Variants in SNAPC2 observed in about 807,000 individuals in gnomAD.
The protein encoded by SNAPC2 is snRNA-activating protein complex subunit 2.
In SNAPC2, 27 loss-of-function variants were observed where a neutral mutation model predicts 22.9. The observed-to-expected ratio is 1.18, with a 90% CI of 0.87 to 1.63. The LOEUF (loss-of-function observed/expected upper bound fraction) is 1.63, where lower values mean the gene tolerates loss of function less well. Among genes scored for constraint, SNAPC2 ranks in the 40% most tolerant of loss-of-function variants. The pLI is 0.00. For synonymous variants in SNAPC2, 272 were observed against 201.0 expected (o/e 1.35, Z -2.99); for missense variants, 570 against 449.1 (o/e 1.27, Z -2.43).
rs1211790949 is a variant in SNAPC2 at position 7,921,765 on chromosome 19, T to G, written c.364T>G (p.Phe122Val). 2 of 1,612,826 alleles carry G rather than the reference T, an allele frequency of 1.2e-6. No individual in the cohort carries two copies. The highest frequency in any genetic ancestry group is 1.7e-6 in the Non-Finnish European group (2 of 1,179,354). Residue 122 changes from phenylalanine (F) to valine (V), a missense_variant, in exon 3 of 5, where the codon TTC (phenylalanine) becomes GTC (valine). Phe to Val is a conservative substitution (Grantham distance 50). Coordinates refer to ENST00000221573, the MANE Select transcript of SNAPC2 (RefSeq NM_003083.4). ...GPLEEALAVA[F>V]SQVLTIAATE... is the part of the protein sequence containing the mutation. ...ACTGGAAGAAGCCCTGGCAGTGGCTTTCTCGCAGGTACCGCCATTCCCCCA... is the reference window on the plus strand; with the variant it reads ...ACTGGAAGAAGCCCTGGCAGTGGCTGTCTCGCAGGTACCGCCATTCCCCCA...
Position 7,922,437 on chromosome 19 carries a change from A to G in SNAPC2, c.686-8A>G, listed in dbSNP as rs760049535. The G allele has an allele frequency of 7.0e-6, 11 of 1,582,654 alleles. No individual in the cohort carries two copies. The highest frequency in any genetic ancestry group is 2.2e-5 in the East Asian group (1 of 44,528). ...GTCCCCTTACCCCTCTCCTCCATCC[A>G]TCACTAGAGTCCGCTGTGGTCCTCG... On this transcript the variant is annotated splice_region_variant and splice_polypyrimidine_tract_variant and intron_variant, in intron 4 of 4. Transcript: ENST00000221573.
intron 4 of SNAPC2, 46 bp downstream of exon 4, chr19:7,922,393 C>A (rs1983612230): frequency 1.3e-6 from 2 of 1,592,940 alleles, no homozygotes; most frequent in African/African-American, 1.3e-5. Flanking sequence ...ATCAAGGGTC[C>A]CTGGCAGCAG....
At chr19:7,921,984 G>A (rs369209183) in intron 3 of SNAPC2, 51 bp from the exon 4 acceptor site, 69 of 1,554,880 alleles carry the variant, frequency 4.4e-5, no homozygotes, top group Admixed American at 1.8e-5. Flanking sequence ...ATGTGTAGAC[G>A]GTGAGAAGAC....
Position 7,922,192 on chromosome 19 carries a change from C to G in SNAPC2, c.530C>G (p.Ser177Cys). 6.2e-7 allele frequency: 1 copy of G among 1,614,182 alleles called. No individual in the cohort carries two copies. The highest frequency in any genetic ancestry group is 1.1e-5 in the South Asian group (1 of 91,090). Residue 177 changes from serine (S) to cysteine (C), a missense_variant, in exon 4 of 5, where the codon TCC (serine) becomes TGC (cysteine). Coordinates refer to ENST00000221573, the MANE Select transcript of SNAPC2 (RefSeq NM_003083.4). ...IPSSAPAAPSSAPRTPDPAPE... is the reference protein window; with the variant it reads ...IPSSAPAAPSCAPRTPDPAPE... Reference sequence around the variant, plus strand: ...AGCTCTGCCCCTGCTGCACCTAGCTCCGCACCCAGGACTCCTGACCCTGCC... The same window carrying G: ...AGCTCTGCCCCTGCTGCACCTAGCTGCGCACCCAGGACTCCTGACCCTGCC...
chr19:7,921,549 C>T lies in SNAPC2; in HGVS notation c.303+7C>T, dbSNP rs756665237. ...GCCCCCAGCCCCCATAGAGGTGAGG[C>T]AGATGAACAGGGTGAGGCTGTCCAG... On this transcript the variant is annotated splice_region_variant and intron_variant, in intron 2 of 4. Transcript: ENST00000221573. The T allele has an allele frequency of 6.2e-7, 1 of 1,610,586 alleles. No homozygotes were observed. The highest frequency in any genetic ancestry group is 1.1e-5 in the South Asian group (1 of 90,762).
intron 1 of SNAPC2, chr19:7,920,885 G>A: frequency 1.0e-6 from 1 of 986,270 alleles, no homozygotes; most frequent in Non-Finnish European, 1.3e-6. Context: ...GGGGCAGGAC[G>A]AGCCTGGGGG....
chr19:7,920,384 G>A lies in SNAPC2; in HGVS notation c.18G>A (p.Arg6=), dbSNP rs761246800. The part of the protein sequence containing the change: MKPPP[R]RRAAPARYLG... ...TGAGCGGCATGAAGCCACCTCCCAG[G>A]CGGCGAGCGGCCCCGGCGCGCTATC... The change falls in exon 1 of 5, where the codon AGG becomes AGA. Residue 6 remains arginine (R), a synonymous_variant. Transcript: ENST00000221573. The A allele has an allele frequency of 6.3e-7, 1 of 1,579,462 alleles. No homozygotes were observed. Among genetic ancestry groups the A allele is most frequent in the South Asian group, 1.1e-5 (1 of 89,422 alleles).
At chr19:7,921,801 G>T in intron 3 of SNAPC2, 28 bp downstream of exon 3, 4 of 1,606,128 alleles carry the variant, frequency 2.5e-6, no homozygotes, top group Non-Finnish European at 3.4e-6. Flanking sequence ...GGCAGGTCAG[G>T]GTGTCCCAGA....
chr19:7,921,015 G>C (rs892783769), intron 1 of SNAPC2: 5 of 1,142,126 alleles, frequency 4.4e-6, no homozygotes, highest in Admixed American at 9.2e-5. Context: ...TCGGGGTAAT[G>C]CGTGGGTGAG....
In SNAPC2 at chr19:7,922,676, C is replaced by A; in HGVS notation, c.917C>A (p.Ser306Ter). Residue 306 changes from serine to a stop codon, truncating the protein, a stop_gained, in exon 5 of 5, where the codon TCG becomes TAG. Transcript: ENST00000221573. LOFTEE classifies it high-confidence loss of function. ...TEKAEHSELK[S>*]PWQAAGICPL... ...AAGGCCGAGCACAGCGAACTGAAATCGCCTTGGCAAGCAGCTGGGATCTGT... is the reference window on the plus strand; with the variant it reads ...AAGGCCGAGCACAGCGAACTGAAATAGCCTTGGCAAGCAGCTGGGATCTGT... 1.2e-6 allele frequency: 2 copies of A among 1,613,608 alleles called. No individual in the cohort carries two copies. The highest frequency in any genetic ancestry group is 1.1e-5 in the South Asian group (1 of 91,074).
In SNAPC2 at chr19:7,922,795, C is replaced by T. The variant is rs201383153; in HGVS notation, c.*31C>T. 8.8e-5 allele frequency: 132 copies of T among 1,494,034 alleles called. No individual in the cohort carries two copies. Among genetic ancestry groups the T allele is most frequent in the Non-Finnish European group, 3.6e-6 (4 of 1,107,178 alleles). The allele number at this position is 1,494,034 out of a possible 1,614,324, so 92.5% of individuals were successfully genotyped here. A position where few individuals can be genotyped will look rare whatever the true frequency, so the allele number is the denominator to read the frequency against. On this transcript the variant is annotated 3_prime_UTR_variant, in exon 5 of 5. Transcript: ENST00000221573. ...ATGGCGGGCAGGAGGCCACACCAGGCCCCCCGCCCTGCCCCTCGGTTCTGC... is the reference window on the plus strand; with the variant it reads ...ATGGCGGGCAGGAGGCCACACCAGGTCCCCCGCCCTGCCCCTCGGTTCTGC...
In SNAPC2 at chr19:7,923,029, A is replaced by C. The variant is rs1599641864; in HGVS notation, c.*265A>C. Reference sequence around the variant, plus strand: ...CAGGCGGACAGGGCTGGCCTCCCCCAGTCCCCAAGCCCCACTGTGCCTTGT... The same window carrying C: ...CAGGCGGACAGGGCTGGCCTCCCCCCGTCCCCAAGCCCCACTGTGCCTTGT... On this transcript the variant is annotated 3_prime_UTR_variant, in exon 5 of 5. Transcript: ENST00000221573. 1 of 439,626 alleles carries C rather than the reference A, an allele frequency of 2.3e-6. No homozygotes were observed. The highest frequency in any genetic ancestry group is 3.8e-5 in the East Asian group (1 of 26,036). The allele number at this position is 439,626 out of a possible 1,614,324, so 27.2% of individuals were successfully genotyped here. A position where few individuals can be genotyped will look rare whatever the true frequency, so the allele number is the denominator to read the frequency against.
rs774231469 is a variant in SNAPC2, at chr19:7,920,499, C to A, written c.133C>A (p.Pro45Thr). The change falls in exon 1 of 5, where the codon CCG (proline) becomes ACG (threonine). Residue 45 changes from proline to threonine, a missense_variant. By Grantham distance (38) the Pro-to-Thr change is conservative. Coordinates refer to ENST00000221573, the MANE Select transcript of SNAPC2 (RefSeq NM_003083.4). ...LLQARQGQPE[P>T]DATELARELR... ...GCAGGCGCGGCAGGGCCAGCCGGAG[C>A]CGGACGCCACCGAGCTGGCCCGGGA... 4 of 1,497,190 alleles carry A rather than the reference C, an allele frequency of 2.7e-6. No homozygotes were observed. The East Asian group carries it at 1.1e-4, about 41-fold the overall frequency. The allele number at this position is 1,497,190 out of a possible 1,614,324, so 92.7% of individuals were successfully genotyped here. A position where few individuals can be genotyped will look rare whatever the true frequency, so the allele number is the denominator to read the frequency against.
In SNAPC2 at chr19:7,922,130, C is replaced by T. The variant is rs1983598706; in HGVS notation, c.468C>T (p.Ala156=). The T allele has an allele frequency of 6.2e-7, 1 of 1,614,042 alleles. No homozygotes were observed. The highest frequency in any genetic ancestry group is 8.5e-7 in the Non-Finnish European group (1 of 1,179,982). ...QARGKPLLLS[A]PGGQEDPAPE... ...GTGGAAAGCCTTTGCTCCTGAGCGC[C>T]CCTGGAGGACAGGAAGACCCCGCCC... The change falls in exon 4 of 5, where the codon GCC becomes GCT. Residue 156 remains alanine (A), a synonymous_variant. Coordinates refer to ENST00000221573, the MANE Select transcript of SNAPC2 (RefSeq NM_003083.4).
chr19:7,922,993 G>T lies in SNAPC2; in HGVS notation c.*229G>T, dbSNP rs1238388157. 1.0e-5 allele frequency: 5 copies of T among 500,154 alleles called. No homozygotes were observed. The highest frequency in any genetic ancestry group is 1.8e-5 in the Non-Finnish European group (5 of 283,820). The allele number at this position is 500,154 out of a possible 1,614,324, so 31.0% of individuals were successfully genotyped here. ...GCAGGACTCCACTCACAAGCCTCCTGATGTCAAGGACAGGCGGACAGGGCT... is the reference window on the plus strand; with the variant it reads ...GCAGGACTCCACTCACAAGCCTCCTTATGTCAAGGACAGGCGGACAGGGCT... On this transcript the variant is annotated 3_prime_UTR_variant, in exon 5 of 5. Coordinates refer to ENST00000221573, the MANE Select transcript of SNAPC2 (RefSeq NM_003083.4).
rs2145163928 is a variant in SNAPC2 at position 7,922,858 on chromosome 19, G to C, written c.*94G>C. The stretch of plus-strand genomic sequence containing the variant: ...GGCTCTTTCTGAGGATCCCGTCATG[G>C]GGGAAGGTCCTTGAGATGATGCTCA... On this transcript the variant is annotated 3_prime_UTR_variant, in exon 5 of 5. Transcript: ENST00000221573. The C allele has an allele frequency of 9.9e-7, 1 of 1,007,490 alleles. No individual in the cohort carries two copies. Among genetic ancestry groups the C allele is most frequent in the African/African-American group, 1.6e-5 (1 of 62,282 alleles). 62.4% of individuals were successfully genotyped at this position (1,007,490 alleles called of 1,614,324 possible). A position where few individuals can be genotyped will look rare whatever the true frequency, so the allele number is the denominator to read the frequency against.
Position 7,922,101 on chromosome 19 carries a change from G to T in SNAPC2, c.439G>T (p.Ala147Ser), listed in dbSNP as rs371309789. 15 of 1,613,760 alleles carry T rather than the reference G, an allele frequency of 9.3e-6. No homozygotes were observed. Among genetic ancestry groups the T allele is most frequent in the Non-Finnish European group, 1.3e-5 (15 of 1,179,940 alleles). ...LHSKPPKPTQ[A>S]RGKPLLLSAP... Reference sequence around the variant, plus strand: ...CTCCAAGCCCCCCAAGCCCACGCAGGCCCGTGGAAAGCCTTTGCTCCTGAG... The same window carrying T: ...CTCCAAGCCCCCCAAGCCCACGCAGTCCCGTGGAAAGCCTTTGCTCCTGAG... The change falls in exon 4 of 5, where the codon GCC becomes TCC. Residue 147 changes from alanine to serine, a missense_variant. Ala to Ser is a moderately conservative substitution (Grantham distance 99, BLOSUM62 1). Coordinates refer to ENST00000221573, the MANE Select transcript of SNAPC2 (RefSeq NM_003083.4).
chr19:7,922,451 C>T lies in SNAPC2; in HGVS notation c.692C>T (p.Ala231Val), dbSNP rs1983614623. The change falls in exon 5 of 5, where the codon GCT becomes GTT. Residue 231 changes from alanine to valine, a missense_variant. By Grantham distance (64) the Ala-to-Val change is moderately conservative. Transcript: ENST00000221573. ...CTCCTCCATCCATCACTAGAGTCCGCTGTGGTCCTCGACCTGCTCATGTCA... is the reference window on the plus strand; with the variant it reads ...CTCCTCCATCCATCACTAGAGTCCGTTGTGGTCCTCGACCTGCTCATGTCA... ...RSPELSAAES[A>V]VVLDLLMSLP... 1 of 1,588,318 alleles carries T rather than the reference C, an allele frequency of 6.3e-7. No homozygotes were observed. Among genetic ancestry groups the T allele is most frequent in the East Asian group, 2.2e-5 (1 of 44,562 alleles).
intron 3 of SNAPC2, 79 bp from the exon 4 acceptor site, chr19:7,921,956 G>T: frequency 6.7e-7 from 1 of 1,483,798 alleles, no homozygotes. Context: ...ATCTTAGGGT[G>T]GCAGGGAGGA....
Sources: allele counts gnomAD v4.1 joint callset, GRCh38; gene constraint gnomAD v4.1.1; transcripts MANE v1.5; gene names NCBI Gene and HGNC (gene_info 2026-07-23, HGNC 2026-07-21).